The following MEIOC variants were observed in gnomAD, a reference collection of about 807,000 sequenced individuals.
The protein encoded by MEIOC is meiosis specific with coiled-coil domain.
Under a neutral mutation model 85.3 loss-of-function variants are expected in MEIOC, and 9 were observed. That is an observed-to-expected ratio of 0.11 (90% CI 0.06 to 0.18). MEIOC has a LOEUF of 0.18. Ranked by LOEUF, MEIOC falls within the 10% of genes least tolerant of loss-of-function variation. The pLI is 1.00. For missense variants in MEIOC, 898 were observed against 1,129.4 expected, an observed-to-expected ratio of 0.80 and a Z score of 2.94; for synonymous variants, 365 against 393.7, an observed-to-expected ratio of 0.93 and a Z score of 0.86.
At chr17:44,664,847 C>T (rs1371424595) in intron 3 of MEIOC, among the ~76,000 whole-genome samples, 1 of 152,198 alleles carries the variant, frequency 6.6e-6, no homozygotes, top group Non-Finnish European at 1.5e-5. Context: ...AAATCTGTTA[C>T]ATTTAAGCGA....
chr17:44,668,301 T>C, intron 5 of MEIOC, 68 bp downstream of exon 5: 2 of 1,356,730 alleles, frequency 1.5e-6, no homozygotes, highest in Non-Finnish European at 2.0e-6. Context: ...CTGTTTACCT[T>C]AGTGTAGTGT....
At position 44,667,003 on chromosome 17, in the gene MEIOC, A is replaced by G; in HGVS notation, c.1092A>G (p.Glu364=). 2 of 1,613,752 alleles carry G rather than the reference A, an allele frequency of 1.2e-6. No homozygotes were observed. The highest frequency in any genetic ancestry group is 1.7e-6 in the Non-Finnish European group (2 of 1,179,764). The change falls in exon 5 of 8, where the codon GAA becomes GAG. Residue 364 remains glutamate, a synonymous_variant. Coordinates refer to ENST00000409122, the MANE Select transcript of MEIOC (RefSeq NM_001145080.3). ...GCACACCTGAAACACCAACTGTAGA[A>G]GCAGACACCTACACAAAGTTATTTC... ...ANGTPETPTV[E]ADTYTKLFQV...
chr17:44,668,834 C>A (rs1414185803), intron 5 of MEIOC, among the ~76,000 whole-genome samples: 1 of 152,120 alleles, frequency 6.6e-6, no homozygotes, highest in African/African-American at 2.4e-5. Flanking sequence ...AGATTTTTTA[C>A]CCCCTTAGTT....
chr17:44,665,227 T>C (rs932072666), intron 3 of MEIOC, 157 bp from the exon 4 acceptor site: 1 of 968,552 alleles, frequency 1.0e-6, no homozygotes, highest in African/African-American at 1.7e-5. Context: ...AATATTTATG[T>C]AGAAAAGAAA....
At chr17:44,660,875 T>C (rs1971832744) in intron 2 of MEIOC, among the ~76,000 whole-genome samples, 1 of 151,754 alleles carries the variant, frequency 6.6e-6, no homozygotes, top group Non-Finnish European at 1.5e-5. Flanking sequence ...GGAGGATCGC[T>C]TGAGGCCAGG....
In MEIOC at chr17:44,667,186, A is replaced by T. The variant is rs771321655; in HGVS notation, c.1275A>T (p.Lys425Asn). Residue 425 changes from lysine to asparagine, a missense_variant, in exon 5 of 8, where the codon AAA becomes AAT. By Grantham distance (94) the Lys-to-Asn change is moderately conservative. Around this residue, in one of 2 missense-constraint regions of MEIOC, gnomAD observed 734 missense variants for 860.1 expected, o/e 0.85. Transcript: ENST00000409122. ...GCTTAACATCAGAATATGGACTAAA[A>T]CCTCACACAGCTTGTCCCGCTAATG... ...DFGLTSEYGL[K>N]PHTACPANDF... The T allele has an allele frequency of 6.2e-6, 10 of 1,613,866 alleles. No homozygotes were observed. In the Admixed American group the frequency reaches 1.7e-4, roughly 27 times the overall value.
At chr17:44,662,222 C>G in intron 2 of MEIOC, 95 bp from the exon 3 acceptor site, 1 of 976,120 alleles carries the variant, frequency 1.0e-6, no homozygotes, top group Non-Finnish European at 1.5e-6. Flanking sequence ...TCTCCCAACT[C>G]TTACATCTGT....
rs779282328 is a variant in MEIOC at position 44,667,145 on chromosome 17, T to G, written c.1234T>G (p.Phe412Val). The G allele has an allele frequency of 1.9e-6, 3 of 1,613,914 alleles. No individual in the cohort carries two copies. In the South Asian group the frequency reaches 3.3e-5, roughly 18 times the overall value. ...TEKQFAKEAV[F>V]TADFGLTSEY... ...GAAACAGTTTGCAAAGGAAGCAGTA[T>G]TCACTGCTGATTTTGGCTTAACATC... The change falls in exon 5 of 8, where the codon TTC becomes GTC. Residue 412 changes from phenylalanine (F) to valine (V), a missense_variant. This residue lies in a region of MEIOC where 734 missense variants were observed against 860.1 expected (regional missense o/e 0.85). Coordinates refer to ENST00000409122, the MANE Select transcript of MEIOC (RefSeq NM_001145080.3).
At chr17:44,671,836 A>G (rs1972016618) in intron 6 of MEIOC, among the ~76,000 whole-genome samples, 1 of 151,766 alleles carries the variant, frequency 6.6e-6, no homozygotes, top group Admixed American at 6.6e-5. Flanking sequence ...AACCTGGCAG[A>G]CGGAGCTTGC....
At position 44,667,558 on chromosome 17, in the gene MEIOC, T is replaced by C. The variant is rs1157666096; in HGVS notation, c.1647T>C (p.Ser549=). The C allele has an allele frequency of 6.2e-7, 1 of 1,613,924 alleles. No individual in the cohort carries two copies. The highest frequency in any genetic ancestry group is 1.3e-5 in the African/African-American group (1 of 75,058). The change falls in exon 5 of 8, where the codon AGT becomes AGC. Residue 549 remains serine (S), a synonymous_variant. Coordinates refer to ENST00000409122, the MANE Select transcript of MEIOC (RefSeq NM_001145080.3). The stretch of plus-strand genomic sequence containing the variant: ...CAGCATTTTCTAGTTTTGATTTTAG[T>C]TACAGTGGTGCAGAAAGAATCCAAT... ...NPSAFSSFDF[S]YSGAERIQSV...
rs753045227 is a variant in MEIOC at position 44,667,425 on chromosome 17, G to C, written c.1514G>C (p.Ser505Thr). 2 of 1,613,546 alleles carry C rather than the reference G, an allele frequency of 1.2e-6. No individual in the cohort carries two copies. The highest frequency in any genetic ancestry group is 1.7e-5 in the Admixed American group (1 of 59,968). The change falls in exon 5 of 8, where the codon AGT becomes ACT. Residue 505 changes from serine (S) to threonine (T), a missense_variant. Around this residue, in one of 2 missense-constraint regions of MEIOC, gnomAD observed 734 missense variants for 860.1 expected, o/e 0.85. Coordinates refer to ENST00000409122, the MANE Select transcript of MEIOC (RefSeq NM_001145080.3). ...GNLMKLNSHL[S>T]AASKGSNHSS... ...TTGATGAAATTAAATAGTCATTTAA[G>C]TGCAGCTTCAAAAGGTTCTAACCAT...
downstream of MEIOC, among the ~76,000 whole-genome samples, chr17:44,676,598 G>A (rs561548175): frequency 9.9e-5 from 15 of 152,166 alleles, no homozygotes; most frequent in East Asian, 2.7e-3. Context: ...TGAGGCGGGT[G>A]GATCACGAGG....
intron 6 of MEIOC, among the ~76,000 whole-genome samples, chr17:44,671,936 G>C (rs1941387784): frequency 6.6e-6 from 1 of 151,602 alleles, no homozygotes; most frequent in Non-Finnish European, 1.5e-5. Flanking sequence ...CTATTTTCTA[G>C]TTTGCTAGCT....
At position 44,666,399 on chromosome 17, in the gene MEIOC, C is replaced by T. The variant is rs1444560312; in HGVS notation, c.488C>T (p.Ser163Leu). The T allele has an allele frequency of 3.9e-6, 6 of 1,549,744 alleles. No homozygotes were observed. ...AGGACCTGCTCCTCCAATTTAAAGT[C>T]AGTTTGGCCAATGAACACAAGCAGA... ...AEGTCSSNLK[S>L]VWPMNTSRFA... Residue 163 changes from serine to leucine, a missense_variant, in exon 5 of 8, where the codon TCA becomes TTA. Physicochemically the swap from Ser to Leu is moderately radical, Grantham distance 145. Around this residue, in one of 2 missense-constraint regions of MEIOC, gnomAD observed 734 missense variants for 860.1 expected, o/e 0.85. Coordinates refer to ENST00000409122, the MANE Select transcript of MEIOC (RefSeq NM_001145080.3).
chr17:44,666,438 A>C lies in MEIOC; in HGVS notation c.527A>C (p.His176Pro). ...AACACAAGCAGATTTGCAGATCACC[A>C]TGACCTCTTAACAGAAACCAAAAGG... ...PMNTSRFADH[H>P]DLLTETKRPI... The change falls in exon 5 of 8, where the codon CAT (histidine) becomes CCT (proline). Residue 176 changes from histidine to proline, a missense_variant. Physicochemically the swap from His to Pro is moderately conservative, Grantham distance 77 (BLOSUM62 -2). This residue lies in a region of MEIOC where 734 missense variants were observed against 860.1 expected (regional missense o/e 0.85). Coordinates refer to ENST00000409122, the MANE Select transcript of MEIOC (RefSeq NM_001145080.3). The C allele has an allele frequency of 6.4e-7, 1 of 1,556,466 alleles. No individual in the cohort carries two copies. Among genetic ancestry groups the C allele is most frequent in the Non-Finnish European group, 8.7e-7 (1 of 1,149,006 alleles).
intron 6 of MEIOC, 167 bp downstream of exon 6, chr17:44,669,684 A>AC (rs1313209092): frequency 1.7e-6 from 1 of 596,838 alleles, no homozygotes; most frequent in Non-Finnish European, 2.9e-6. Flanking sequence ...TTATGGTGAA[A>AC]CCCCGTCTCT....
chr17:44,656,820 G>A, intron 1 of MEIOC, 138 bp downstream of exon 1: 2 of 426,664 alleles, frequency 4.7e-6, no homozygotes. Flanking sequence ...AACGGGGCGG[G>A]CGGGCGGGGG....
chr17:44,659,254 A>G (rs1185445074), intron 2 of MEIOC, among the ~76,000 whole-genome samples: 2 of 152,226 alleles, frequency 1.3e-5, no homozygotes, highest in Non-Finnish European at 2.9e-5. Flanking sequence ...ACAGATTGAG[A>G]AACTGAGCCT....
chr17:44,672,306 T>G (rs1972024638), intron 6 of MEIOC, among the ~76,000 whole-genome samples: 1 of 152,172 alleles, frequency 6.6e-6, no homozygotes, highest in Admixed American at 6.6e-5. Context: ...TTCTTTACTC[T>G]TTATCATTTG....
Sources: gnomAD v4.1 joint callset for allele counts (sites outside exome capture counted in the v4.1 genomes callset) on GRCh38, gnomAD v4.1.1 for gene constraint, gnomAD v4.1.1 regional missense constraint, MANE v1.5 for transcripts, NCBI Gene and HGNC (gene_info 2026-07-23, HGNC 2026-07-21) for gene names.